The following STIMATE variants were observed in gnomAD, a reference collection of about 807,000 sequenced individuals.
STIMATE encodes store-operated calcium entry regulator STIMATE.
A neutral mutation model predicts 36.7 loss-of-function variants in STIMATE; 15 were observed. The ratio of observed to expected loss-of-function variants is 0.41; its 90% CI spans 0.27 to 0.63. The LOEUF (loss-of-function observed/expected upper bound fraction) is 0.63, where lower values mean the gene tolerates loss of function less well. Among genes scored for constraint, STIMATE ranks in the 20% least tolerant of loss-of-function variants. The pLI, the probability that STIMATE is intolerant of heterozygous loss-of-function variation, is 0.32. For missense variants in STIMATE, 305 were observed against 397.3 expected (o/e 0.77, Z 1.98); for synonymous variants, 163 against 162.3 (o/e 1.00, Z -0.03).
At chr3:52,881,291 G>A (rs1261483762) in intron 1 of STIMATE, among the ~76,000 whole-genome samples, 1 of 151,762 alleles carries the variant, frequency 6.6e-6, no homozygotes, top group East Asian at 1.9e-4. Flanking sequence ...AATAGAAAAT[G>A]TGGAAAAAAA....
chr3:52,893,263 A>G (rs1403328797), intron 1 of STIMATE, among the ~76,000 whole-genome samples: 1 of 152,102 alleles, frequency 6.6e-6, no homozygotes. Flanking sequence ...AAGTATGATG[A>G]TGAAATTGTG....
intron 1 of STIMATE, among the ~76,000 whole-genome samples, chr3:52,881,630 A>G (rs1701607208): frequency 6.6e-6 from 1 of 152,150 alleles, no homozygotes; most frequent in African/African-American, 2.4e-5. Flanking sequence ...TGAACCCAGG[A>G]GGCAGAGCTT....
chr3:52,882,814 T>C (rs534171644), intron 1 of STIMATE, among the ~76,000 whole-genome samples: 48 of 152,266 alleles, frequency 3.2e-4, no homozygotes, highest in Non-Finnish European at 5.3e-4. Flanking sequence ...CGGAGGGGTA[T>C]GAAGAAGGGC....
chr3:52,882,219 C>T (rs72959482), intron 1 of STIMATE, among the ~76,000 whole-genome samples: 4,493 of 152,206 alleles, frequency 0.03, 259 homozygotes, highest in African/African-American at 0.1. Flanking sequence ...CAAGACATGA[C>T]GGCTGGCTCT....
chr3:52,863,445 T>C (rs1020597791), intron 1 of STIMATE, among the ~76,000 whole-genome samples: 11 of 152,224 alleles, frequency 7.2e-5, no homozygotes, highest in African/African-American at 2.6e-4. Flanking sequence ...TCAAATTATC[T>C]CCCACCAGGT....
chr3:52,894,795 A>T (rs1177445369), intron 1 of STIMATE, among the ~76,000 whole-genome samples: 1 of 152,250 alleles, frequency 6.6e-6, no homozygotes, highest in East Asian at 1.9e-4. Flanking sequence ...GAAGACAGGC[A>T]GTGAGCCCAT....
At position 52,897,544 on chromosome 3, in the gene STIMATE, AG is replaced by A. The variant is rs1701888270; in HGVS notation, c.-95del. ...CGCCAAACCCGCAGCCGGGATCCCA[AG>A]CCTGAGCCGGTACCTCCGCCCGGCC... On this transcript the variant is annotated 5_prime_UTR_variant, in exon 1 of 8. Transcript: ENST00000355083. 1.7e-6 allele frequency: 2 copies of A among 1,172,860 alleles called. No homozygotes were observed. Among genetic ancestry groups the A allele is most frequent in the Non-Finnish European group, 2.1e-6 (2 of 950,244 alleles). 72.7% of individuals were successfully genotyped at this position (1,172,860 alleles called of 1,614,324 possible). A position where few individuals can be genotyped will look rare whatever the true frequency, so the allele number is the denominator to read the frequency against.
intron 1 of STIMATE, chr3:52,895,997 A>G (rs1317656069): frequency 7.9e-7 from 1 of 1,269,856 alleles, no homozygotes; most frequent in Non-Finnish European, 1.0e-6. Flanking sequence ...AGAAAAAGCA[A>G]GGCAAGTTGG....
At chr3:52,878,989 G>GT (rs1559497629) in intron 1 of STIMATE, among the ~76,000 whole-genome samples, 1 of 152,036 alleles carries the variant, frequency 6.6e-6, no homozygotes, top group Non-Finnish European at 1.5e-5. Flanking sequence ...CTTTACTCAA[G>GT]CAAAAAAACT....
intron 1 of STIMATE, among the ~76,000 whole-genome samples, chr3:52,859,204 A>AT (rs1701162918): frequency 6.6e-6 from 1 of 150,486 alleles, no homozygotes; most frequent in Non-Finnish European, 1.5e-5. Flanking sequence ...ATAAAATAAA[A>AT]AACAATGAGG....
chr3:52,852,498 C>G, intron 3 of STIMATE, 105 bp downstream of exon 3: 1 of 1,412,990 alleles, frequency 7.1e-7, no homozygotes, highest in South Asian at 1.3e-5. Context: ...GGGGAGCACC[C>G]TCTCCCCAAG....
chr3:52,872,753 G>A (rs1701428487), intron 1 of STIMATE, among the ~76,000 whole-genome samples: 2 of 152,178 alleles, frequency 1.3e-5, no homozygotes, highest in African/African-American at 4.8e-5. Context: ...AGCCTCCTGA[G>A]TAGCTGGGAT....
At chr3:52,868,866 T>C (rs984371448) in intron 1 of STIMATE, among the ~76,000 whole-genome samples, 1 of 152,204 alleles carries the variant, frequency 6.6e-6, no homozygotes, top group Middle Eastern at 3.2e-3. Context: ...GTGATCCGCC[T>C]GCCTTGGCCT....
chr3:52,880,042 C>T (rs1179098145), intron 1 of STIMATE, among the ~76,000 whole-genome samples: 1 of 152,212 alleles, frequency 6.6e-6, no homozygotes, highest in African/African-American at 2.4e-5. Context: ...ATAAATCAAC[C>T]CCAGAGAATC....
chr3:52,868,412 G>A (rs1016842037), intron 1 of STIMATE, among the ~76,000 whole-genome samples: 2 of 152,172 alleles, frequency 1.3e-5, no homozygotes, highest in African/African-American at 2.4e-5. Flanking sequence ...TCTTATGGCA[G>A]GGAACTAAGG....
chr3:52,853,624 G>A (rs1701046805), intron 2 of STIMATE, among the ~76,000 whole-genome samples: 1 of 141,760 alleles, frequency 7.1e-6, no homozygotes. Flanking sequence ...GACAACGTAT[G>A]TAAGACTCAA....
chr3:52,856,885 G>A (rs906107675), intron 1 of STIMATE, among the ~76,000 whole-genome samples: 1 of 152,196 alleles, frequency 6.6e-6, no homozygotes. Context: ...CCACTGAGGT[G>A]CTAGGCAAGT....
At chr3:52,855,468 T>G (rs1427399639) in intron 1 of STIMATE, 24 bp from the exon 2 acceptor site, 1 of 1,614,082 alleles carries the variant, frequency 6.2e-7, no homozygotes, top group Non-Finnish European at 8.5e-7. Flanking sequence ...CAGACATCAG[T>G]AGTTTTCCAA....
At chr3:52,888,572 A>T (rs559403720) in intron 1 of STIMATE, among the ~76,000 whole-genome samples, 1 of 152,326 alleles carries the variant, frequency 6.6e-6, no homozygotes, top group Admixed American at 6.5e-5. Context: ...TGCTCACGTC[A>T]TTTAAATGCA....
Sources: allele counts gnomAD v4.1 joint callset (sites outside exome capture counted in the v4.1 genomes callset), GRCh38; gene constraint gnomAD v4.1.1; transcripts MANE v1.5; gene names NCBI Gene and HGNC (gene_info 2026-07-23, HGNC 2026-07-21).